Variants in SDHA observed in about 807,000 individuals in gnomAD.
The protein encoded by SDHA is succinate dehydrogenase [ubiquinone] flavoprotein subunit, mitochondrial.
In SDHA, 48 loss-of-function variants were observed where a neutral mutation model predicts 78.4. The observed-to-expected ratio is 0.61, with a 90% confidence interval of 0.49 to 0.78. SDHA has a LOEUF of 0.78. Among genes scored for constraint, SDHA ranks in the 30% least tolerant of loss-of-function variants. The pLI is 0.00. For missense variants in SDHA, 680 were observed against 892.7 expected (o/e 0.76, Z 3.04); for synonymous variants, 326 against 353.9 (o/e 0.92, Z 0.88).
chr5:264,943 C>T, the SDHA span, among the ~76,000 whole-genome samples: 1 of 152,192 alleles, frequency 6.6e-6, no homozygotes, highest in African/African-American at 2.4e-5. Flanking sequence ...TGCGGTGGCT[C>T]ACACCTGTAA....
chr5:249,716 A>G (rs531727625), intron 11 of SDHA: 18 of 152,350 alleles, frequency 1.2e-4, no homozygotes, highest in African/African-American at 4.1e-4. Context: ...CCCACTTCAC[A>G]TGCTGTATTT....
intron 1 of SDHA, among the ~76,000 whole-genome samples, chr5:220,585 A>C (rs1310649449): frequency 6.6e-6 from 1 of 152,094 alleles, no homozygotes; most frequent in Non-Finnish European, 1.5e-5. Flanking sequence ...GTTTTTTGAT[A>C]TGAAACCTGG....
chr5:218,368 CG>C lies in SDHA; in HGVS notation c.17del (p.Gly6AlafsTer6). The C allele has an allele frequency of 2.1e-6, 3 of 1,457,236 alleles. No homozygotes were observed. The highest frequency in any genetic ancestry group is 2.5e-5 in the Admixed American group (1 of 40,350). The allele number at this position is 1,457,236 out of a possible 1,614,324, so 90.3% of individuals were successfully genotyped here. A position where few individuals can be genotyped will look rare whatever the true frequency, so the allele number is the denominator to read the frequency against. The stretch of plus-strand genomic sequence containing the variant: ...GGCAACAGCAGACATGTCGGGGGTC[CG>C]GGGCCTGTCGCGGCTGCTGAGCGCT... The part of the protein sequence containing the change: MSGV[R>X]GLSRLLSARR... On this transcript the variant is annotated frameshift_variant, in exon 1 of 15. Coordinates refer to ENST00000264932, the MANE Select transcript of SDHA (RefSeq NM_004168.4). LOFTEE classifies it high-confidence loss of function.
rs1060503721 is a variant in SDHA, at chr5:251,463, T to C, written c.1789T>C (p.Tyr597His). The change falls in exon 13 of 15, where the codon TAC (tyrosine) becomes CAC (histidine). Residue 597 changes from tyrosine (Y) to histidine (H), a missense_variant. Coordinates refer to ENST00000264932, the MANE Select transcript of SDHA (RefSeq NM_004168.4). ...ESRGAHAREDYKVRIDEYDYS... is the reference protein window; with the variant it reads ...ESRGAHAREDHKVRIDEYDYS... ...ACGGGGCGCGCATGCCAGGGAAGAC[T>C]ACAAGGTGGGCCTTCTCACCACGCC... 3.7e-6 allele frequency: 6 copies of C among 1,614,002 alleles called. No individual in the cohort carries two copies. Among genetic ancestry groups the C allele is most frequent in the Non-Finnish European group, 5.1e-6 (6 of 1,179,868 alleles).
At position 251,289 on chromosome 5, in the gene SDHA, C is replaced by T. The variant is rs745626006; in HGVS notation, c.1664-49C>T. 3.8e-6 allele frequency: 6 copies of T among 1,595,204 alleles called. No individual in the cohort carries two copies. The Admixed American group carries it at 5.2e-5, about 14-fold the overall frequency. The stretch of plus-strand genomic sequence containing the variant: ...GCCCAGGCTGACAGCTCGGAGGGCC[C>T]ATGTGACTGGGTCCCGCCTGCCCCT... On this transcript the variant is annotated intron_variant, in intron 12 of 14. Coordinates refer to ENST00000264932, the MANE Select transcript of SDHA (RefSeq NM_004168.4).
rs376597185 is a variant in SDHA, at chr5:235,250, G to A, written c.1171G>A (p.Ala391Thr). 10 of 1,614,024 alleles carry A rather than the reference G, an allele frequency of 6.2e-6. No homozygotes were observed. Among genetic ancestry groups the A allele is most frequent in the Admixed American group, 1.7e-5 (1 of 60,016 alleles). Residue 391 changes from alanine (A) to threonine (T), a missense_variant, in exon 9 of 15, where the codon GCT (alanine) becomes ACT (threonine). Transcript: ENST00000264932. ...PGISETAMIF[A>T]GVDVTKEPIP... ...CATTTCAGAGACAGCCATGATCTTC[G>A]CTGGCGTGGACGTCACGAAGGAGCC...
At chr5:268,445 T>C in the SDHA span, among the ~76,000 whole-genome samples, 2 of 151,998 alleles carry the variant, frequency 1.3e-5, no homozygotes, top group Non-Finnish European at 2.9e-5. Context: ...GAATTACAGC[T>C]GTGAGCCACC....
Position 237,438 on chromosome 5 carries a change from A to G in SDHA, c.1432+839A>G, listed in dbSNP as rs114491465. Among the ~76,000 whole-genome samples the G allele has an allele frequency of 5.1e-3, 678 of 131,988 alleles. 47 individuals carry two copies. Among genetic ancestry groups the G allele is most frequent in the Non-Finnish European group, 4.4e-3 (291 of 65,616 alleles). The allele number at this position is 131,988 out of a possible 152,430, so 86.6% of individuals were successfully genotyped here. A position where few individuals can be genotyped will look rare whatever the true frequency, so the allele number is the denominator to read the frequency against. On this transcript the variant is annotated intron_variant, in intron 10 of 14. Coordinates refer to ENST00000264932, the MANE Select transcript of SDHA (RefSeq NM_004168.4). ...TTGCTGGTTTTCTTTTCATGATAGCATCAAATAATGTGCAGTAAAGGAAAT... is the reference window on the plus strand; with the variant it reads ...TTGCTGGTTTTCTTTTCATGATAGCGTCAAATAATGTGCAGTAAAGGAAAT...
intron 9 of SDHA, chr5:236,044 A>G (rs1225420534): frequency 1.1e-5 from 3 of 280,644 alleles, no homozygotes; most frequent in African/African-American, 4.6e-5. Context: ...TTTTTCTTGG[A>G]GATGCAGTCT....
At chr5:249,566 G>C (rs1344147243) in intron 11 of SDHA, 1 of 152,706 alleles carries the variant, frequency 6.5e-6, no homozygotes, top group Non-Finnish European at 1.5e-5. Flanking sequence ...TCCTGCTGCA[G>C]ATAACTAGCC....
At chr5:234,938 TTCTC>T in intron 8 of SDHA, 1 of 637,866 alleles carries the variant, frequency 1.6e-6, no homozygotes, top group South Asian at 1.8e-5. Flanking sequence ...TTTGTTCTGG[TTCTC>T]AGCTGTGTCC....
rs1060505004 is a variant in SDHA at position 233,607 on chromosome 5, G to A, written c.1026G>A (p.Val342=). The A allele has an allele frequency of 2.5e-6, 4 of 1,614,036 alleles. No homozygotes were observed. Among genetic ancestry groups the A allele is most frequent in the African/African-American group, 2.7e-5 (2 of 74,920 alleles). The change falls in exon 8 of 15, where the codon GTG becomes GTA. Residue 342 remains valine (V), a synonymous_variant. Transcript: ENST00000264932. ...CGAAGGACCTGGCGTCTAGAGATGT[G>A]GTGTCTCGGTCCATGACTCTGGAGA... ...PVAKDLASRD[V]VSRSMTLEIR... is the part of the protein sequence containing the mutation.
chr5:253,331 T>C (rs1736975383), intron 13 of SDHA, among the ~76,000 whole-genome samples: 1 of 152,260 alleles, frequency 6.6e-6, no homozygotes, highest in African/African-American at 2.4e-5. Flanking sequence ...TGCTGATGGC[T>C]GTGATCACTG....
rs1579406812 is a variant in SDHA, at chr5:235,291, C to A, written c.1212C>A (p.Pro404=). 6.2e-7 allele frequency: 1 copy of A among 1,614,196 alleles called. No homozygotes were observed. Among genetic ancestry groups the A allele is most frequent in the South Asian group, 1.1e-5 (1 of 91,088 alleles). The change falls in exon 9 of 15, where the codon CCC becomes CCA. Residue 404 remains proline, a synonymous_variant. Transcript: ENST00000264932. ...CGAAGGAGCCGATCCCTGTCCTCCC[C>A]ACCGTGCATTATAACATGGGCGGCA... is the stretch of plus-strand genomic sequence containing the variant. ...DVTKEPIPVL[P]TVHYNMGGIP...
intron 4 of SDHA, 159 bp from the exon 5 acceptor site, chr5:225,724 G>A (rs1421740052): frequency 3.7e-6 from 5 of 1,342,908 alleles, no homozygotes; most frequent in Admixed American, 3.6e-5. Flanking sequence ...TGCATTATAT[G>A]TAACAAGAAA....
intron 7 of SDHA, 55 bp from the exon 8 acceptor site, chr5:233,421 AT>A: frequency 6.3e-7 from 1 of 1,586,678 alleles, no homozygotes; most frequent in South Asian, 1.1e-5. Flanking sequence ...AAAATAATGC[AT>A]TTGAAATAGA....
In SDHA at chr5:236,646, G is replaced by A. The variant is rs540196776; in HGVS notation, c.1432+47G>A. The stretch of plus-strand genomic sequence containing the variant: ...CAGACTATTTGAGAAGGCGCAGGAC[G>A]TTAGAAAGTCTTTTTTCTTTTTTTT... On this transcript the variant is annotated intron_variant, in intron 10 of 14. Transcript: ENST00000264932. The A allele has an allele frequency of 2.5e-5, 39 of 1,579,716 alleles. No individual in the cohort carries two copies. In the Admixed American group the frequency reaches 3.5e-4, roughly 14 times the overall value.
intron 11 of SDHA, chr5:250,549 A>G (rs1293730112): frequency 3.8e-6 from 1 of 265,968 alleles, no homozygotes; most frequent in African/African-American, 2.3e-5. Context: ...CACCACCATC[A>G]CCAGGGCTCT....
downstream of SDHA, among the ~76,000 whole-genome samples, chr5:258,311 CTG>C (rs1554003384): frequency 1.7e-5 from 2 of 118,478 alleles, no homozygotes; most frequent in Admixed American, 7.9e-5. Context: ...CAGAGCATTA[CTG>C]TGAGCTCCGC....
Sources: allele counts gnomAD v4.1 joint callset (sites outside exome capture counted in the v4.1 genomes callset), GRCh38; gene constraint gnomAD v4.1.1; transcripts MANE v1.5; gene names NCBI Gene and HGNC (gene_info 2026-07-23, HGNC 2026-07-21).